The following MYO3A variants were observed in gnomAD, a reference collection of about 807,000 sequenced individuals.
The protein encoded by MYO3A is myosin IIIA.
Under a neutral mutation model 192.7 loss-of-function variants are expected in MYO3A, and 180 were observed. The observed-to-expected ratio is 0.93, with a 90% confidence interval of 0.83 to 1.06. The LOEUF is 1.06. MYO3A is among the 50% of genes least tolerant of loss of function. The pLI is 0.00. For missense variants in MYO3A, 1,896 were observed against 1,905.0 expected, an observed-to-expected ratio of 1.00 and a Z score of 0.09; for synonymous variants, 628 against 645.3, an observed-to-expected ratio of 0.97 and a Z score of 0.41.
intron 2 of MYO3A, among the ~76,000 whole-genome samples, chr10:25,937,930 T>G (rs10128266): frequency 0.022 from 3,383 of 152,312 alleles, 155 homozygotes; most frequent in African/African-American, 0.077. Context: ...GTCCAGTTCA[T>G]GTGGTCTGTA....
intron 30 of MYO3A, among the ~76,000 whole-genome samples, chr10:26,176,065 C>T (rs561079035): frequency 1.4e-3 from 208 of 152,204 alleles, no homozygotes; most frequent in African/African-American, 4.6e-3. Flanking sequence ...TAGGCTGAGG[C>T]GGGCGGATCA....
intron 23 of MYO3A, among the ~76,000 whole-genome samples, chr10:26,152,434 A>G (rs1840850308): frequency 6.6e-6 from 1 of 152,180 alleles, no homozygotes; most frequent in South Asian, 2.1e-4. Context: ...AGAGTTCTTC[A>G]ATTCTATATT....
intron 8 of MYO3A, chr10:26,022,801 A>C (rs1379331132): frequency 6.6e-6 from 1 of 152,204 alleles, no homozygotes; most frequent in Admixed American, 6.5e-5. Flanking sequence ...TGATAATGCC[A>C]CATGAAGGAA....
At chr10:25,996,052 C>T (rs1840415253) in intron 4 of MYO3A, among the ~76,000 whole-genome samples, 1 of 152,220 alleles carries the variant, frequency 6.6e-6, no homozygotes, top group Admixed American at 6.5e-5. Context: ...ACATTTAAGT[C>T]TGCAGAAGAT....
rs191208596 is a variant in MYO3A at position 25,954,330 on chromosome 10, G to T, written c.169-544G>T. Reference sequence around the variant, plus strand: ...ATTCTGATTGATAAGATAGCAACCTGTTCTTCTTTTGGTGAATGGACCTTT... The same window carrying T: ...ATTCTGATTGATAAGATAGCAACCTTTTCTTCTTTTGGTGAATGGACCTTT... On this transcript the variant is annotated intron_variant, in intron 3 of 34. Coordinates refer to ENST00000642920, the MANE Select transcript of MYO3A (RefSeq NM_017433.5). Among the ~76,000 whole-genome samples, 752 of 152,176 alleles carry T rather than the reference G, an allele frequency of 4.9e-3. 6 individuals carry two copies. The highest frequency in any genetic ancestry group is 0.017 in the African/African-American group (713 of 41,540).
In MYO3A at chr10:26,096,419, C is replaced by T; in HGVS notation, c.1601C>T (p.Ala534Val). The change falls in exon 16 of 35, where the codon GCT becomes GTT. Residue 534 changes from alanine (A) to valine (V), a missense_variant. Physicochemically the swap from Ala to Val is moderately conservative, Grantham distance 64. Coordinates refer to ENST00000642920, the MANE Select transcript of MYO3A (RefSeq NM_017433.5). ...KNFHIFYYIY[A>V]GLAEKKKLAH... ...TTTCATATTTTTTACTACATTTATG[C>T]TGGTTTGGCTGAAAAGAAGAAACTA... 6.2e-7 allele frequency: 1 copy of T among 1,613,386 alleles called. No homozygotes were observed. Among genetic ancestry groups the T allele is most frequent in the South Asian group, 1.1e-5 (1 of 90,924 alleles).
intron 15 of MYO3A, among the ~76,000 whole-genome samples, chr10:26,093,537 T>C (rs1836830447): frequency 6.6e-6 from 1 of 152,152 alleles, no homozygotes; most frequent in Non-Finnish European, 1.5e-5. Flanking sequence ...CTTGAAACCT[T>C]CACTTTTCTT....
intron 32 of MYO3A, among the ~76,000 whole-genome samples, chr10:26,197,082 A>C (rs983123374): frequency 9.9e-5 from 15 of 152,214 alleles, no homozygotes; most frequent in Admixed American, 9.8e-4. Context: ...TGCGCACCAC[A>C]CAGAAAGCCA....
intron 33 of MYO3A, among the ~76,000 whole-genome samples, chr10:26,201,543 G>A (rs1050974352): frequency 1.3e-5 from 2 of 151,888 alleles, no homozygotes; most frequent in South Asian, 2.1e-4. Flanking sequence ...AAAATTAGCC[G>A]GGCGTAGTGG....
At chr10:26,006,386 A>G (rs941408784) in intron 6 of MYO3A, among the ~76,000 whole-genome samples, 3 of 152,220 alleles carry the variant, frequency 2.0e-5, no homozygotes, top group Non-Finnish European at 2.9e-5. Context: ...AAATCAGAGC[A>G]GAACTGAAGA....
chr10:26,080,871 G>T (rs1211796760), intron 14 of MYO3A, among the ~76,000 whole-genome samples: 2 of 152,162 alleles, frequency 1.3e-5, no homozygotes, highest in Non-Finnish European at 2.9e-5. Context: ...GGCTGCTGCT[G>T]GGGGTTGTCC....
chr10:26,172,353 A>T (rs1305391418), intron 29 of MYO3A, among the ~76,000 whole-genome samples: 3 of 152,232 alleles, frequency 2.0e-5, no homozygotes, highest in Non-Finnish European at 4.4e-5. Context: ...CAGATGTCAG[A>T]AGAGATCGCC....
chr10:26,182,425 A>T (rs551558230), intron 31 of MYO3A, among the ~76,000 whole-genome samples: 1 of 152,340 alleles, frequency 6.6e-6, no homozygotes, highest in East Asian at 1.9e-4. Flanking sequence ...GGTATATTTC[A>T]GCTCATCTTG....
chr10:26,157,564 C>A (rs748866392), intron 26 of MYO3A, 49 bp downstream of exon 26: 3 of 1,564,944 alleles, frequency 1.9e-6, no homozygotes, highest in South Asian at 2.2e-5. Flanking sequence ...ATATAAAAAT[C>A]ATTCAGAAGA....
chr10:26,018,115 T>C (rs998439956), intron 7 of MYO3A, among the ~76,000 whole-genome samples: 59 of 151,920 alleles, frequency 3.9e-4, no homozygotes, highest in African/African-American at 1.2e-3. Context: ...AAAACACTTA[T>C]TAATATGCAG....
At chr10:25,939,777 C>G (rs896869320) in intron 2 of MYO3A, among the ~76,000 whole-genome samples, 1 of 151,688 alleles carries the variant, frequency 6.6e-6, no homozygotes, top group African/African-American at 2.4e-5. Flanking sequence ...TTTTATTTAT[C>G]CTTACAAACA....
chr10:26,187,988 A>C (rs1275813367), intron 31 of MYO3A, among the ~76,000 whole-genome samples: 1 of 152,138 alleles, frequency 6.6e-6, no homozygotes, highest in African/African-American at 2.4e-5. Flanking sequence ...ATGATTTATA[A>C]TCCTTTGAGT....
chr10:26,169,794 A>G (rs1293015047), intron 28 of MYO3A, among the ~76,000 whole-genome samples: 1 of 152,208 alleles, frequency 6.6e-6, no homozygotes, highest in African/African-American at 2.4e-5. Flanking sequence ...CTAATCCTTT[A>G]TCCACAATTT....
At chr10:26,054,474 A>G (rs1164962788) in intron 10 of MYO3A, among the ~76,000 whole-genome samples, 1 of 152,086 alleles carries the variant, frequency 6.6e-6, no homozygotes, top group African/African-American at 2.4e-5. Context: ...TATTCTGTAC[A>G]TTTTCCATTT....
Sources: allele counts gnomAD v4.1 joint callset (sites outside exome capture counted in the v4.1 genomes callset), GRCh38; gene constraint gnomAD v4.1.1; transcripts MANE v1.5; gene names NCBI Gene and HGNC (gene_info 2026-07-23, HGNC 2026-07-21).